MTDH: variants seen among roughly 807,000 people sequenced by gnomAD.
MTDH encodes metadherin, also known as protein LYRIC.
A neutral mutation model predicts 72.7 loss-of-function variants in MTDH; 34 were observed. The ratio of observed to expected loss-of-function variants is 0.47; its 90% CI spans 0.36 to 0.62. MTDH has a LOEUF of 0.62. Among genes scored for constraint, MTDH ranks in the 20% least tolerant of loss-of-function variants. MTDH has a pLI of 0.00. For synonymous variants in MTDH, 266 were observed against 268.9 expected, an observed-to-expected ratio of 0.99 and a Z score of 0.10; for missense variants, 677 against 699.4, an observed-to-expected ratio of 0.97 and a Z score of 0.36.
chr8:97,719,338 C>A (rs1815012619), intron 10 of MTDH, 149 bp downstream of exon 10: 1 of 728,160 alleles, frequency 1.4e-6, no homozygotes, highest in African/African-American at 1.8e-5. Context: ...ACTAAAAATA[C>A]AAAAATTAGC....
rs1554580222 is a variant in MTDH at position 97,697,129 on chromosome 8, A to AT, written c.1049-2625_1049-2624insT. ...TGAGACTCTGTCTCACAAAAAAAAA[A>AT]ATATATATATATATATATATATTTT... On this transcript the variant is annotated intron_variant, in intron 6 of 11. Transcript: ENST00000336273. Among the ~76,000 whole-genome samples, 88 of 85,734 alleles carry AT rather than the reference A, an allele frequency of 1.0e-3. 9 individuals are homozygous for AT. The highest frequency in any genetic ancestry group is 0.013 in the Middle Eastern group (2 of 156). 56.2% of individuals were successfully genotyped at this position (85,734 alleles called of 152,430 possible).
intron 2 of MTDH, among the ~76,000 whole-genome samples, chr8:97,681,408 T>G (rs991314784): frequency 1.4e-5 from 2 of 145,816 alleles, no homozygotes; most frequent in Non-Finnish European, 3.0e-5. Flanking sequence ...TCTGCAGCGG[T>G]TTTTTTTTTT....
chr8:97,698,397 G>A (rs992762589), intron 6 of MTDH, among the ~76,000 whole-genome samples: 5 of 152,156 alleles, frequency 3.3e-5, no homozygotes, highest in Non-Finnish European at 5.9e-5. Context: ...CCTGGCATCA[G>A]TGAACTCATA....
rs1813132687 is a variant in MTDH at position 97,682,247 on chromosome 8, TATATATATATATATATA to T, written c.484-4420_484-4404del. ...TAATTACTTTATATATATATATATA[TATATATATATATATATA>T]TATATATATATATATATTTTTTTTT... On this transcript the variant is annotated intron_variant, in intron 2 of 11. Coordinates refer to ENST00000336273, the MANE Select transcript of MTDH (RefSeq NM_178812.4). Among the ~76,000 whole-genome samples, 7 of 6,764 alleles carry T rather than the reference TATATATATATATATATA, an allele frequency of 1.0e-3. 1 individual carries two copies. In the East Asian group the frequency reaches 0.014, roughly 14 times the overall value. 4.4% of individuals were successfully genotyped at this position (6,764 alleles called of 152,430 possible).
chr8:97,722,137 G>A (rs1167003053), intron 10 of MTDH, among the ~76,000 whole-genome samples: 4 of 152,090 alleles, frequency 2.6e-5, no homozygotes, highest in African/African-American at 7.2e-5. Context: ...AGTGGTTCAC[G>A]CCTATAATCC....
chr8:97,714,767 C>T (rs563908799), intron 9 of MTDH, among the ~76,000 whole-genome samples: 65 of 151,952 alleles, frequency 4.3e-4, no homozygotes, highest in Non-Finnish European at 5.7e-4. Flanking sequence ...GACAGGGAAC[C>T]GCAATTTCTA....
intron 10 of MTDH, among the ~76,000 whole-genome samples, chr8:97,720,841 A>G (rs1437189337): frequency 6.6e-6 from 1 of 151,594 alleles, no homozygotes; most frequent in African/African-American, 2.4e-5. Flanking sequence ...TTTAGTAGAG[A>G]TGGGGTTTCA....
chr8:97,684,457 G>C (rs980701832), intron 2 of MTDH, among the ~76,000 whole-genome samples: 4 of 152,086 alleles, frequency 2.6e-5, no homozygotes, highest in Non-Finnish European at 5.9e-5. Flanking sequence ...GCCTGTTTTT[G>C]TAAATAAAAT....
chr8:97,673,089 C>G (rs1812695116), intron 2 of MTDH, among the ~76,000 whole-genome samples: 1 of 152,140 alleles, frequency 6.6e-6, no homozygotes, highest in South Asian at 2.1e-4. Flanking sequence ...TGAATACCTT[C>G]TGCGTACAAG....
Position 97,690,974 on chromosome 8 carries a change from C to A in MTDH, c.834C>A (p.Asn278Lys), listed in dbSNP as rs749946986. The A allele has an allele frequency of 1.4e-5, 22 of 1,612,498 alleles. No homozygotes were observed. The Admixed American group carries it at 3.3e-4, about 24-fold the overall frequency. ...TLQVSSGLNE[N>K]LTVNGGGWNE... Reference sequence around the variant, plus strand: ...AAGTTTCTTCAGGATTGAATGAAAACCTCACTGTCAATGGAGGAGGCTGGA... The same window carrying A: ...AAGTTTCTTCAGGATTGAATGAAAAACTCACTGTCAATGGAGGAGGCTGGA... Residue 278 changes from asparagine (N) to lysine (K), a missense_variant, in exon 6 of 12, where the codon AAC (asparagine) becomes AAA (lysine). Asn to Lys is a moderately conservative substitution (Grantham distance 94, BLOSUM62 0). Coordinates refer to ENST00000336273, the MANE Select transcript of MTDH (RefSeq NM_178812.4).
chr8:97,654,439 T>C (rs1314722530), intron 1 of MTDH, among the ~76,000 whole-genome samples: 2 of 152,180 alleles, frequency 1.3e-5, no homozygotes, highest in East Asian at 3.8e-4. Context: ...AATGAGATAA[T>C]GCGTGTAATG....
chr8:97,661,640 C>A (rs995132656), intron 2 of MTDH, among the ~76,000 whole-genome samples: 13 of 152,142 alleles, frequency 8.5e-5, no homozygotes, highest in African/African-American at 2.9e-4. Flanking sequence ...AGATTAACTT[C>A]ATTTAACAAA....
At chr8:97,686,859 C>CT in intron 3 of MTDH, 107 bp downstream of exon 3, 1 of 645,262 alleles carries the variant, frequency 1.5e-6, no homozygotes, top group Non-Finnish European at 2.5e-6. Flanking sequence ...TTTAGCTCTT[C>CT]TTTTTTATTA....
At chr8:97,719,240 A>G in intron 10 of MTDH, 51 bp downstream of exon 10, 1 of 1,579,114 alleles carries the variant, frequency 6.3e-7, no homozygotes, top group Non-Finnish European at 8.6e-7. Context: ...TACGCCTGTA[A>G]TCCCAGCACT....
intron 2 of MTDH, among the ~76,000 whole-genome samples, chr8:97,684,133 CCTT>C (rs963825657): frequency 4.1e-5 from 6 of 146,572 alleles, no homozygotes; most frequent in African/African-American, 1.5e-4. Flanking sequence ...GTGAAAAACT[CCTT>C]CTCAAAAAAA....
chr8:97,644,780 G>GCGGCGGCCGTGC lies in MTDH; in HGVS notation c.279_290dup (p.Val95_Ala98dup). On this transcript the variant is annotated inframe_insertion, in exon 1 of 12. Transcript: ENST00000336273. ...GAGCCCGCCCCGCAAGCGGGAGGAG[G>GCGGCGGCCGTGC]CGGCGGCCGTGCCGGCCGCGGCCCC... 6.5e-7 allele frequency: 1 copy of GCGGCGGCCGTGC among 1,549,186 alleles called. No individual in the cohort carries two copies. The highest frequency in any genetic ancestry group is 2.2e-5 in the Admixed American group (1 of 44,544).
Position 97,655,612 on chromosome 8 carries a change from T to C in MTDH, c.382-5460T>C, listed in dbSNP as rs190304189. ...TAATATAAAAAAATGGCCCAAATGC[T>C]TGAACGTGGGAATAAAGGGCATAGG... On this transcript the variant is annotated intron_variant, in intron 1 of 11. Transcript: ENST00000336273. Among the ~76,000 whole-genome samples the C allele has an allele frequency of 6.2e-4, 95 of 152,268 alleles. 1 individual carries two copies. In the East Asian group the frequency reaches 0.018, roughly 29 times the overall value.
chr8:97,694,066 A>AT (rs948654525), intron 6 of MTDH, among the ~76,000 whole-genome samples: 3 of 151,878 alleles, frequency 2.0e-5, no homozygotes, highest in South Asian at 2.1e-4. Flanking sequence ...TAAACATACG[A>AT]TTTTTTCTCT....
chr8:97,654,717 G>A (rs921196922), intron 1 of MTDH, among the ~76,000 whole-genome samples: 1 of 151,820 alleles, frequency 6.6e-6, no homozygotes, highest in African/African-American at 2.4e-5. Context: ...ATGCTCTCTT[G>A]CCTTTTATCT....
Sources: allele counts gnomAD v4.1 joint callset (sites outside exome capture counted in the v4.1 genomes callset), GRCh38; gene constraint gnomAD v4.1.1; transcripts MANE v1.5; gene names NCBI Gene and HGNC (gene_info 2026-07-23, HGNC 2026-07-21).